Variants in STOX2 observed in about 807,000 individuals in gnomAD.
The protein encoded by STOX2 is storkhead box 2.
STOX2 carries 28 observed loss-of-function variants against 60.9 expected under a neutral mutation model. The ratio of observed to expected loss-of-function variants is 0.46; its 90% CI spans 0.34 to 0.63. STOX2 has a LOEUF of 0.63. Ranked by LOEUF, STOX2 falls within the 30% of genes least tolerant of loss-of-function variation. The pLI, the probability that STOX2 is intolerant of heterozygous loss-of-function variation, is 0.01. For missense variants in STOX2, 1,024 were observed against 1,187.7 expected, an observed-to-expected ratio of 0.86 and a Z score of 2.03; for synonymous variants, 472 against 463.9, an observed-to-expected ratio of 1.02 and a Z score of -0.22.
At chr4:183,872,138 C>A (rs1348004474) in intron 1 of STOX2, among the ~76,000 whole-genome samples, 1 of 152,238 alleles carries the variant, frequency 6.6e-6, no homozygotes, top group Non-Finnish European at 1.5e-5. Flanking sequence ...TCACTGCAAC[C>A]TCTGCCTCTG....
rs544387590 is a variant in STOX2 at position 183,985,922 on chromosome 4, A to T, written c.167-15403A>T. Among the ~76,000 whole-genome samples the T allele has an allele frequency of 9.3e-4, 141 of 152,302 alleles. No homozygotes were observed. In the Middle Eastern group the frequency reaches 0.017, roughly 18 times the overall value. The stretch of plus-strand genomic sequence containing the variant: ...ACCACGCCCGACAGGAATGGGCTGG[A>T]TTACATGGGTTTGGGTGGATTTATA... On this transcript the variant is annotated intron_variant, in intron 1 of 3. Coordinates refer to ENST00000308497, the MANE Select transcript of STOX2 (RefSeq NM_020225.3).
At chr4:183,860,962 T>G (rs1479685269) in intron 1 of STOX2, among the ~76,000 whole-genome samples, 2 of 152,174 alleles carry the variant, frequency 1.3e-5, no homozygotes, top group Non-Finnish European at 2.9e-5. Flanking sequence ...TGCAAAGGGA[T>G]TACGCTTTGG....
chr4:183,916,908 C>A (rs1341027794), intron 1 of STOX2, among the ~76,000 whole-genome samples: 1 of 152,140 alleles, frequency 6.6e-6, no homozygotes, highest in African/African-American at 2.4e-5. Flanking sequence ...AACTTAGTTC[C>A]TTGAGGAAAC....
chr4:183,991,170 C>T (rs1401906048), intron 1 of STOX2, among the ~76,000 whole-genome samples: 1 of 152,078 alleles, frequency 6.6e-6, no homozygotes, highest in African/African-American at 2.4e-5. Flanking sequence ...TTTTTCTCTC[C>T]AAAGTCCCTA....
intron 1 of STOX2, among the ~76,000 whole-genome samples, chr4:183,982,281 TTCA>T (rs1325358071): frequency 2.0e-5 from 3 of 152,252 alleles, no homozygotes; most frequent in Non-Finnish European, 2.9e-5. Context: ...TCACTTCATG[TTCA>T]TAGTGTTGCT....
intron 1 of STOX2, among the ~76,000 whole-genome samples, chr4:183,933,012 G>A (rs748777585): frequency 2.6e-5 from 4 of 152,146 alleles, no homozygotes; most frequent in African/African-American, 9.7e-5. Context: ...CGGAGTTGTC[G>A]AGAGGCAGAT....
chr4:184,011,232 C>G lies in STOX2; in HGVS notation c.2394C>G (p.Asp798Glu). ...KNTEEEKNRE[D>E]VGTMQWLLER... ...CAGAGGAGGAGAAAAATAGAGAGGA[C>G]GTAGGCACCATGCAGTGGCTCCTCG... The change falls in exon 3 of 4, where the codon GAC (aspartate) becomes GAG (glutamate). Residue 798 changes from aspartate to glutamate, a missense_variant. This residue lies in a region of STOX2 where 922 missense variants were observed against 1,058.3 expected (regional missense o/e 0.87). Coordinates refer to ENST00000308497, the MANE Select transcript of STOX2 (RefSeq NM_020225.3). This position sits in a 1 kb window ranked among gnomAD's most constrained non-coding sequence, Gnocchi z 4.4. 6.2e-7 allele frequency: 1 copy of G among 1,612,306 alleles called. No homozygotes were observed.
At chr4:183,930,003 A>G (rs1035690400) in intron 1 of STOX2, among the ~76,000 whole-genome samples, 6 of 151,920 alleles carry the variant, frequency 3.9e-5, no homozygotes, top group Non-Finnish European at 7.4e-5. Flanking sequence ...AGCTGGGACT[A>G]TGGGCGCCCC....
At chr4:183,890,218 C>T (rs942151248) in intron 1 of STOX2, among the ~76,000 whole-genome samples, 10 of 152,148 alleles carry the variant, frequency 6.6e-5, no homozygotes, top group South Asian at 2.1e-4. Flanking sequence ...GCAACAGGGC[C>T]GGGCGCCTGT....
rs542627818 is a variant in STOX2 at position 184,001,234 on chromosome 4, G to C, written c.167-91G>C. ...TGTTCGGAGCTGACTGTGTTCGTCA[G>C]ACCAGGGCCAGATGGACGCGTGAAG... On this transcript the variant is annotated intron_variant, in intron 1 of 3. Coordinates refer to ENST00000308497, the MANE Select transcript of STOX2 (RefSeq NM_020225.3). The surrounding 1 kb of genome is among the most constrained non-coding windows in gnomAD (Gnocchi z 4.2). The C allele has an allele frequency of 2.3e-5, 31 of 1,327,424 alleles. No individual in the cohort carries two copies. The highest frequency in any genetic ancestry group is 3.0e-5 in the Non-Finnish European group (28 of 943,986). 82.2% of individuals were successfully genotyped at this position (1,327,424 alleles called of 1,614,324 possible). A position where few individuals can be genotyped will look rare whatever the true frequency, so the allele number is the denominator to read the frequency against.
chr4:183,880,398 AAACCAATC>A (rs140048393), intron 1 of STOX2, among the ~76,000 whole-genome samples: 21,067 of 152,132 alleles, frequency 0.14, 1,794 homozygotes, highest in African/African-American at 0.23. Flanking sequence ...ATCCAGGTAT[AAACCAATC>A]AACCAACCAA....
At chr4:183,889,990 C>A (rs918942627) in intron 1 of STOX2, among the ~76,000 whole-genome samples, 2 of 152,056 alleles carry the variant, frequency 1.3e-5, no homozygotes, top group African/African-American at 4.8e-5. Context: ...GACTATACAG[C>A]CTGAGAAGCT....
At chr4:183,898,958 G>A (rs1357090384) in intron 1 of STOX2, among the ~76,000 whole-genome samples, 1 of 152,176 alleles carries the variant, frequency 6.6e-6, no homozygotes, top group Non-Finnish European at 1.5e-5. Context: ...GCTGTGGTGA[G>A]TAAGTCTATG....
At chr4:183,864,849 G>C in intron 1 of STOX2, among the ~76,000 whole-genome samples, 1 of 152,010 alleles carries the variant, frequency 6.6e-6, no homozygotes, top group Non-Finnish European at 1.5e-5. Flanking sequence ...TCACTTATCC[G>C]TCCCAGCAAA....
chr4:183,820,866 G>A (rs957132534), intron 1 of STOX2, among the ~76,000 whole-genome samples: 5 of 152,030 alleles, frequency 3.3e-5, no homozygotes, highest in Non-Finnish European at 5.9e-5. Context: ...TCCCAGCACT[G>A]TGGTAGGCCG....
At chr4:183,881,241 A>C (rs1452630702) in intron 1 of STOX2, among the ~76,000 whole-genome samples, 1 of 108,792 alleles carries the variant, frequency 9.2e-6, no homozygotes, top group East Asian at 3.1e-4. Context: ...AGTGGCTCAC[A>C]CCTATAATTC....
intron 1 of STOX2, among the ~76,000 whole-genome samples, chr4:183,959,987 C>A (rs1287518055): frequency 1.3e-5 from 2 of 152,142 alleles, no homozygotes; most frequent in African/African-American, 4.8e-5. Context: ...AAAAAAGGAA[C>A]CTGCATTGTT....
At chr4:183,960,852 A>G (rs1239837976) in intron 1 of STOX2, among the ~76,000 whole-genome samples, 5 of 152,220 alleles carry the variant, frequency 3.3e-5, no homozygotes, top group East Asian at 3.8e-4. Context: ...CTCCAAAACT[A>G]TCTGCTGAAT....
intron 1 of STOX2, among the ~76,000 whole-genome samples, chr4:183,810,722 C>T (rs1368347945): frequency 2.6e-5 from 4 of 151,908 alleles, no homozygotes; most frequent in African/African-American, 4.8e-5. Context: ...ACCCTCACCC[C>T]CACCCCCACC....
Sources: gnomAD v4.1 joint callset for allele counts (sites outside exome capture counted in the v4.1 genomes callset) on GRCh38, gnomAD v4.1.1 for gene constraint, gnomAD v4.1.1 regional missense constraint, Gnocchi (gnomAD v3.1) non-coding constraint, MANE v1.5 for transcripts, NCBI Gene and HGNC (gene_info 2026-07-23, HGNC 2026-07-21) for gene names.